The following RAB33A variants were observed in gnomAD, a reference collection of about 807,000 sequenced individuals.
RAB33A encodes the protein ras-related protein Rab-33A.
A neutral mutation model predicts 12.0 loss-of-function variants in RAB33A; 6 were observed. The ratio of observed to expected loss-of-function variants is 0.50; its 90% CI spans 0.27 to 0.99. The LOEUF is 0.99. Among genes scored for constraint, RAB33A ranks in the 50% least tolerant of loss-of-function variants. The pLI is 0.11. For synonymous variants in RAB33A, 70 were observed against 82.4 expected, an observed-to-expected ratio of 0.85 and a Z score of 0.81; for missense variants, 109 against 192.0, an observed-to-expected ratio of 0.57 and a Z score of 2.55.
the RAB33A span, among the ~76,000 whole-genome samples, chrX:130,120,412 G>A: frequency 1.8e-5 from 2 of 110,966 alleles, no homozygotes; most frequent in Non-Finnish European, 3.8e-5. Context: ...CTGGAGATGC[G>A]TTCTAAGTCT....
At chrX:130,114,658 G>A in the RAB33A span, among the ~76,000 whole-genome samples, 2 of 112,141 alleles carry the variant, frequency 1.8e-5, no homozygotes, top group African/African-American at 6.5e-5. Context: ...AACCCTGACT[G>A]GGTGGTCTCG....
chrX:130,175,435 C>A (rs2031654405), intron 1 of RAB33A, among the ~76,000 whole-genome samples: 1 of 110,550 alleles, frequency 9.0e-6, no homozygotes, highest in Admixed American at 9.7e-5. Flanking sequence ...CCCCCAGGAG[C>A]CTTTCAGATG....
At chrX:130,165,719 A>C in the RAB33A span, 1 of 968,731 alleles carries the variant, frequency 1.0e-6, no homozygotes. Flanking sequence ...CGACGGGTCA[A>C]ACACCGTGAG....
the RAB33A span, among the ~76,000 whole-genome samples, chrX:130,148,321 AG>A: frequency 9.0e-6 from 1 of 111,291 alleles, no homozygotes; most frequent in African/African-American, 3.3e-5. Flanking sequence ...TTCAAGAATA[AG>A]GGGGTGCTTT....
chrX:130,165,882 C>T, the RAB33A span: 34 of 446,274 alleles, frequency 7.6e-5, no homozygotes, highest in Admixed American at 4.9e-4. Context: ...CACTCGCTGC[C>T]GCATTGCGAT....
the RAB33A span, among the ~76,000 whole-genome samples, chrX:130,161,279 G>A: frequency 1.8e-5 from 2 of 110,399 alleles, no homozygotes; most frequent in Non-Finnish European, 3.8e-5. Flanking sequence ...TTGGGAGGCC[G>A]AGGTGGGCGG....
chrX:130,160,666 C>T, the RAB33A span, among the ~76,000 whole-genome samples: 1 of 111,756 alleles, frequency 8.9e-6, no homozygotes, highest in Non-Finnish European at 1.9e-5. Context: ...GATCCTTCCA[C>T]CTTAGCCTCC....
the RAB33A span, among the ~76,000 whole-genome samples, chrX:130,111,196 G>T: frequency 9.1e-6 from 1 of 110,492 alleles, no homozygotes; most frequent in African/African-American, 3.3e-5. Flanking sequence ...AGCCCGCGTC[G>T]TGCGCCGCGG....
chrX:130,129,283 C>T, the RAB33A span: 10 of 371,846 alleles, frequency 2.7e-5, no homozygotes, highest in South Asian at 2.1e-4. Context: ...TGTGCTTGGT[C>T]GGTGCTGCAA....
At chrX:130,176,262 G>C (rs182244344) in intron 1 of RAB33A, among the ~76,000 whole-genome samples, 103 of 112,185 alleles carry the variant, frequency 9.2e-4, no homozygotes, top group African/African-American at 3.0e-3. Context: ...GGAAAATGCC[G>C]AATAGGGGTG....
intron 1 of RAB33A, among the ~76,000 whole-genome samples, chrX:130,175,071 C>T (rs2031650895): frequency 9.0e-6 from 1 of 111,662 alleles, no homozygotes; most frequent in African/African-American, 3.3e-5. Flanking sequence ...CATGCATTAT[C>T]TTATTTACTC....
the RAB33A span, chrX:130,138,560 G>C: frequency 1.3e-5 from 13 of 1,032,680 alleles, no homozygotes; most frequent in Admixed American, 2.2e-5. Flanking sequence ...TAAGACTAGA[G>C]AAAGAAAATC....
the RAB33A span, among the ~76,000 whole-genome samples, chrX:130,161,638 C>T: frequency 5.0e-5 from 5 of 100,582 alleles, no homozygotes; most frequent in South Asian, 1.0e-3. Context: ...GACAGATTCT[C>T]GCTCTGTCGT....
At chrX:130,131,644 C>A in the RAB33A span, 56 of 1,209,620 alleles carry the variant, frequency 4.6e-5, no homozygotes, top group Non-Finnish European at 6.3e-5. Context: ...CTTCTCAACA[C>A]TCTCCAAGAG....
At chrX:130,123,003 C>A in the RAB33A span, among the ~76,000 whole-genome samples, 7 of 111,566 alleles carry the variant, frequency 6.3e-5, no homozygotes, top group Admixed American at 6.7e-4. Flanking sequence ...CAAAAACCAG[C>A]AAAACCTGTA....
At chrX:130,115,663 AAGAGAG>A in the RAB33A span, among the ~76,000 whole-genome samples, 6 of 99,621 alleles carry the variant, frequency 6.0e-5, no homozygotes, top group Middle Eastern at 4.9e-3. Flanking sequence ...GAAAGAGAGA[AAGAGAG>A]AGAGAGAGAG....
chrX:130,112,147 C>T, the RAB33A span, among the ~76,000 whole-genome samples: 4 of 112,013 alleles, frequency 3.6e-5, no homozygotes, highest in Non-Finnish European at 5.6e-5. Context: ...ATTACAAGTT[C>T]CCAAGGAAAG....
chrX:130,176,492 T>C (rs1044460338), intron 1 of RAB33A, among the ~76,000 whole-genome samples: 2 of 111,714 alleles, frequency 1.8e-5, no homozygotes, highest in Non-Finnish European at 3.8e-5. Flanking sequence ...TGTGAGTTTC[T>C]GTTCCTCTAC....
the RAB33A span, among the ~76,000 whole-genome samples, chrX:130,135,428 C>CTT: frequency 2.7e-3 from 147 of 54,679 alleles, no homozygotes; most frequent in African/African-American, 7.1e-3. Flanking sequence ...TCCAGTACAT[C>CTT]TTTTTTTTTT....
Sources: gnomAD v4.1 joint callset for allele counts (sites outside exome capture counted in the v4.1 genomes callset) on GRCh38, gnomAD v4.1.1 for gene constraint, MANE v1.5 for transcripts, NCBI Gene and HGNC (gene_info 2026-07-23, HGNC 2026-07-21) for gene names.